TMEM131: variants seen among roughly 807,000 people sequenced by gnomAD.
The protein encoded by TMEM131 is transmembrane protein 131.
A neutral mutation model predicts 211.6 loss-of-function variants in TMEM131; 66 were observed. That is an observed-to-expected ratio of 0.31 (90% CI 0.26 to 0.38). The LOEUF (loss-of-function observed/expected upper bound fraction) is 0.38, where lower values mean the gene tolerates loss of function less well. TMEM131 is among the 10% of genes least tolerant of loss of function. The probability of loss-of-function intolerance (pLI) is 1.00; values close to 1 mark genes in which losing one functional copy is unlikely to be tolerated. For missense variants in TMEM131, 2,036 were observed against 2,299.3 expected, an observed-to-expected ratio of 0.89 and a Z score of 2.34; for synonymous variants, 844 against 841.3, an observed-to-expected ratio of 1.00 and a Z score of -0.06.
intron 1 of TMEM131, among the ~76,000 whole-genome samples, chr2:97,930,950 T>TC (rs5832844): frequency 0.76 from 115,020 of 151,540 alleles, 45,619 homozygotes; most frequent in African/African-American, 0.9. Flanking sequence ...GACATTATGA[T>TC]CCATTTTAAG....
intron 1 of TMEM131, among the ~76,000 whole-genome samples, chr2:97,941,263 C>T (rs1361992172): frequency 6.6e-6 from 1 of 152,126 alleles, no homozygotes; most frequent in Non-Finnish European, 1.5e-5. Context: ...GGAAAACTGG[C>T]TAGCCATATG....
chr2:97,909,169 CT>C lies in TMEM131; in HGVS notation c.250-472del, dbSNP rs1676195841. On this transcript the variant is annotated intron_variant, in intron 2 of 40. Transcript: ENST00000186436. ...TGAACAGGAATAAATAGTTGCCATA[CT>C]TAAACACATCATGAAGGAAGGCCTG... is the stretch of plus-strand genomic sequence containing the variant. Among the ~76,000 whole-genome samples, 4 of 152,214 alleles carry C rather than the reference CT, an allele frequency of 2.6e-5. No homozygotes were observed. The Middle Eastern group carries it at 0.014, about 518-fold the overall frequency.
intron 11 of TMEM131, among the ~76,000 whole-genome samples, chr2:97,819,831 T>C (rs948675611): frequency 6.6e-6 from 1 of 152,220 alleles, no homozygotes; most frequent in Non-Finnish European, 1.5e-5. Context: ...AGTCACTATG[T>C]TCTTCCCCCT....
At chr2:97,869,962 G>C (rs1468439604) in intron 4 of TMEM131, among the ~76,000 whole-genome samples, 1 of 152,178 alleles carries the variant, frequency 6.6e-6, no homozygotes, top group Non-Finnish European at 1.5e-5. Flanking sequence ...GTTCTTTTAA[G>C]TTCATTCTGG....
At chr2:97,822,546 T>A (rs1047809809) in intron 11 of TMEM131, among the ~76,000 whole-genome samples, 4 of 152,144 alleles carry the variant, frequency 2.6e-5, no homozygotes, top group African/African-American at 9.7e-5. Context: ...TTTTCGAGAA[T>A]GCGTCGGTAA....
chr2:97,880,854 C>T (rs150030689), intron 4 of TMEM131, among the ~76,000 whole-genome samples: 1 of 151,984 alleles, frequency 6.6e-6, no homozygotes, highest in Non-Finnish European at 1.5e-5. Flanking sequence ...GAACATAAAC[C>T]CTTGAAAGAT....
chr2:97,987,774 G>A (rs1680091998), intron 1 of TMEM131, among the ~76,000 whole-genome samples: 2 of 152,232 alleles, frequency 1.3e-5, no homozygotes, highest in South Asian at 2.1e-4. Context: ...CCAAGGAAGT[G>A]AAAGATTTGT....
At chr2:97,963,587 C>T (rs1321490890) in intron 1 of TMEM131, among the ~76,000 whole-genome samples, 2 of 152,136 alleles carry the variant, frequency 1.3e-5, no homozygotes, top group African/African-American at 4.8e-5. Context: ...TAGTGGTGGG[C>T]ACCTGTAATC....
chr2:97,899,109 G>A (rs1333867202), intron 3 of TMEM131, among the ~76,000 whole-genome samples: 1 of 151,776 alleles, frequency 6.6e-6, no homozygotes, highest in Admixed American at 6.6e-5. Flanking sequence ...TGGGATTGTT[G>A]TATCTACCTG....
chr2:97,845,142 A>G (rs1057330890), intron 5 of TMEM131, among the ~76,000 whole-genome samples: 20 of 151,862 alleles, frequency 1.3e-4, no homozygotes, highest in East Asian at 1.9e-4. Context: ...AATAATTACA[A>G]TAATTCACAA....
At chr2:97,761,091 G>T (rs1050674296) in intron 36 of TMEM131, 177 bp from the exon 37 acceptor site, 2 of 711,200 alleles carry the variant, frequency 2.8e-6, no homozygotes, top group Admixed American at 2.9e-5. Context: ...ATCAGACAGA[G>T]ATAGAGGGCT....
rs147302655 is a variant in TMEM131, at chr2:97,933,786, A to G, written c.188-6299T>C. Among the ~76,000 whole-genome samples the G allele has an allele frequency of 1.2e-3, 184 of 152,290 alleles. 1 individual carries two copies. The highest frequency in any genetic ancestry group is 4.4e-3 in the African/African-American group (181 of 41,572). ...TTGTAATTCACCCCATCAACAGGCTAAAGAGGAAAAACACATGATCATATC... is the reference window on the plus strand; with the variant it reads ...TTGTAATTCACCCCATCAACAGGCTGAAGAGGAAAAACACATGATCATATC... On this transcript the variant is annotated intron_variant, in intron 1 of 40. Coordinates refer to ENST00000186436, the MANE Select transcript of TMEM131 (RefSeq NM_015348.2).
At chr2:97,766,016 G>T in intron 35 of TMEM131, 98 bp downstream of exon 35, 2 of 1,466,384 alleles carry the variant, frequency 1.4e-6, no homozygotes, top group Non-Finnish European at 9.3e-7. Context: ...ACTGTCAATG[G>T]GTATTTTAAA....
At chr2:97,975,046 C>G (rs1249646676) in intron 1 of TMEM131, among the ~76,000 whole-genome samples, 1 of 152,024 alleles carries the variant, frequency 6.6e-6, no homozygotes, top group Admixed American at 6.6e-5. Flanking sequence ...ACCAAGATAG[C>G]CTATATTCAA....
chr2:97,834,935 T>C lies in TMEM131; in HGVS notation c.805-10A>G. On this transcript the variant is annotated splice_polypyrimidine_tract_variant and intron_variant, in intron 8 of 40. Coordinates refer to ENST00000186436, the MANE Select transcript of TMEM131 (RefSeq NM_015348.2). ...CATAAGGAGGAATTTCCTGACAAGT[T>C]AACAGACCATAATGTAGCACAGCTT... 1.9e-6 allele frequency: 3 copies of C among 1,613,442 alleles called. No homozygotes were observed. Among genetic ancestry groups the C allele is most frequent in the Non-Finnish European group, 2.5e-6 (3 of 1,179,650 alleles).
At chr2:97,848,214 GT>G (rs1683537773) in intron 5 of TMEM131, among the ~76,000 whole-genome samples, 1 of 152,090 alleles carries the variant, frequency 6.6e-6, no homozygotes, top group African/African-American at 2.4e-5. Flanking sequence ...AAGAATAGTT[GT>G]TTTCAACCAA....
chr2:97,894,998 G>A (rs566013062), intron 3 of TMEM131, among the ~76,000 whole-genome samples: 45 of 152,222 alleles, frequency 3.0e-4, no homozygotes, highest in African/African-American at 1.1e-3. Flanking sequence ...CTTGATAGTC[G>A]CTGTTGGTTT....
chr2:97,864,323 C>T (rs1330816778), intron 4 of TMEM131, among the ~76,000 whole-genome samples: 2 of 151,726 alleles, frequency 1.3e-5, no homozygotes, highest in East Asian at 3.9e-4. Context: ...TAGCACAACA[C>T]GGTGACTACA....
chr2:97,975,524 T>A (rs573994050), intron 1 of TMEM131, among the ~76,000 whole-genome samples: 1 of 152,200 alleles, frequency 6.6e-6, no homozygotes, highest in Non-Finnish European at 1.5e-5. Context: ...ACAACTTAGA[T>A]GAAATGAACA....
Sources: allele counts gnomAD v4.1 joint callset (sites outside exome capture counted in the v4.1 genomes callset), GRCh38; gene constraint gnomAD v4.1.1; transcripts MANE v1.5; gene names NCBI Gene and HGNC (gene_info 2026-07-23, HGNC 2026-07-21).